TTLL9: variants seen among roughly 807,000 people sequenced by gnomAD.
TTLL9 encodes tubulin tyrosine ligase like 9, also known as probable tubulin polyglutamylase TTLL9.
Under a neutral mutation model 65.6 loss-of-function variants are expected in TTLL9, and 47 were observed. The observed-to-expected ratio is 0.72, with a 90% CI of 0.57 to 0.91. The LOEUF (loss-of-function observed/expected upper bound fraction) is 0.91. Ranked by LOEUF, TTLL9 falls within the 40% of genes least tolerant of loss-of-function variation. The pLI, the probability that TTLL9 is intolerant of heterozygous loss-of-function variation, is 0.00. For missense variants in TTLL9, 537 were observed against 568.8 expected (o/e 0.94, Z 0.57); for synonymous variants, 179 against 204.8 (o/e 0.87, Z 1.07).
At chr20:31,885,879 C>T (rs149886517) in intron 2 of TTLL9, among the ~76,000 whole-genome samples, 1 of 152,334 alleles carries the variant, frequency 6.6e-6, no homozygotes, top group East Asian at 1.9e-4. Flanking sequence ...GTCAGAGGGA[C>T]GTGCTCCATG....
At position 31,944,783 on chromosome 20, in the gene TTLL9, A is replaced by T. The variant is rs2064293849; in HGVS notation, c.*1762A>T. 6.6e-6 allele frequency: 1 copy of T among 152,246 alleles called. No individual in the cohort carries two copies. The highest frequency in any genetic ancestry group is 1.5e-5 in the Non-Finnish European group (1 of 68,052). The allele number at this position is 152,246 out of a possible 1,614,324, so 9.4% of individuals were successfully genotyped here. A position where few individuals can be genotyped will look rare whatever the true frequency, so the allele number is the denominator to read the frequency against. On this transcript the variant is annotated 3_prime_UTR_variant, in exon 15 of 15. Transcript: ENST00000535842. ...TTCTATGTAACTATGAGCCAGAGCC[A>T]AGGAGCGGGGGGACCAGGAGAGGTG...
intron 3 of TTLL9, among the ~76,000 whole-genome samples, chr20:31,896,518 TTG>T (rs2063391259): frequency 6.6e-6 from 1 of 152,044 alleles, no homozygotes; most frequent in African/African-American, 2.4e-5. Context: ...ACTGATTACA[TTG>T]TTTTTTTTGT....
chr20:31,934,181 TC>T (rs2064067118), intron 11 of TTLL9: 18 of 497,992 alleles, frequency 3.6e-5, no homozygotes, highest in South Asian at 3.4e-4. Context: ...ATATATTTTA[TC>T]TCTCTGTCTA....
At chr20:31,891,732 C>A (rs1054335453) in intron 3 of TTLL9, among the ~76,000 whole-genome samples, 17 of 152,192 alleles carry the variant, frequency 1.1e-4, no homozygotes, top group African/African-American at 4.1e-4. Flanking sequence ...AATTGTGAAC[C>A]CAATTGACTT....
intron 2 of TTLL9, among the ~76,000 whole-genome samples, chr20:31,873,688 A>AG (rs1568721907): frequency 1.5e-3 from 42 of 28,378 alleles, no homozygotes; most frequent in African/African-American, 5.9e-3. Context: ...GAGAGAGAGA[A>AG]AGAAAGAAAG....
intron 3 of TTLL9, among the ~76,000 whole-genome samples, chr20:31,893,497 G>C (rs2123446896): frequency 6.6e-6 from 1 of 151,984 alleles, no homozygotes; most frequent in African/African-American, 2.4e-5. Flanking sequence ...CTCCATGTTG[G>C]TTAGGCTGGT....
intron 4 of TTLL9, among the ~76,000 whole-genome samples, chr20:31,902,904 C>T (rs898720315): frequency 6.6e-5 from 10 of 152,110 alleles, no homozygotes; most frequent in African/African-American, 2.2e-4. Flanking sequence ...CTCTCTGTCA[C>T]CTAGGCTGGA....
intron 3 of TTLL9, among the ~76,000 whole-genome samples, chr20:31,887,515 C>CT (rs1391330971): frequency 6.6e-6 from 1 of 152,216 alleles, no homozygotes; most frequent in Non-Finnish European, 1.5e-5. Flanking sequence ...CTCAAAAAGG[C>CT]TAAGTGACTT....
At chr20:31,875,591 T>C (rs2063027363) in intron 2 of TTLL9, among the ~76,000 whole-genome samples, 1 of 152,188 alleles carries the variant, frequency 6.6e-6, no homozygotes, top group African/African-American at 2.4e-5. Flanking sequence ...AAGCTAACTC[T>C]CATTTCCTCC....
At chr20:31,924,975 T>A in intron 8 of TTLL9, 34 bp from the exon 9 acceptor site, 1 of 1,613,298 alleles carries the variant, frequency 6.2e-7, no homozygotes, top group Non-Finnish European at 8.5e-7. Flanking sequence ...GATCAATATT[T>A]GTTGCACAAA....
chr20:31,902,438 T>C (rs754019716), intron 4 of TTLL9, among the ~76,000 whole-genome samples: 22 of 152,216 alleles, frequency 1.4e-4, no homozygotes, highest in Non-Finnish European at 2.9e-4. Context: ...TGGAGTCCAG[T>C]GGCTCGATCT....
At chr20:31,885,886 CAT>C (rs1191811342) in intron 2 of TTLL9, among the ~76,000 whole-genome samples, 1 of 152,242 alleles carries the variant, frequency 6.6e-6, no homozygotes, top group East Asian at 1.9e-4. Context: ...GGACGTGCTC[CAT>C]GTGGCCTGGA....
At chr20:31,908,534 T>C in intron 4 of TTLL9, 57 bp from the exon 5 acceptor site, 1 of 1,282,220 alleles carries the variant, frequency 7.8e-7, no homozygotes, top group East Asian at 2.3e-5. Context: ...CCCTGGGCCC[T>C]GCAGTGCCAA....
intron 10 of TTLL9, among the ~76,000 whole-genome samples, chr20:31,932,044 A>G (rs1338154385): frequency 6.6e-6 from 1 of 152,214 alleles, no homozygotes; most frequent in African/African-American, 2.4e-5. Flanking sequence ...GGTCCATTCA[A>G]AATTAATTTT....
chr20:31,925,746 G>A (rs373047079), intron 9 of TTLL9: 4 of 775,714 alleles, frequency 5.2e-6, no homozygotes, highest in Middle Eastern at 2.3e-4. Context: ...GTGCCTGAAG[G>A]ATGATTTGGG....
intron 3 of TTLL9, among the ~76,000 whole-genome samples, chr20:31,895,895 A>G (rs938974122): frequency 6.6e-6 from 1 of 151,778 alleles, no homozygotes; most frequent in African/African-American, 2.4e-5. Context: ...GCTGGAGTGC[A>G]GTGGCACAGT....
intron 4 of TTLL9, among the ~76,000 whole-genome samples, chr20:31,903,111 C>T (rs1231825000): frequency 6.6e-6 from 1 of 151,876 alleles, no homozygotes; most frequent in Non-Finnish European, 1.5e-5. Context: ...CTTGAGTGAT[C>T]CTCCTGCCTC....
intron 2 of TTLL9, among the ~76,000 whole-genome samples, chr20:31,873,832 GA>G (rs200723467): frequency 1.3e-5 from 1 of 75,654 alleles, no homozygotes; most frequent in Non-Finnish European, 3.1e-5. Context: ...AAGAAAGAAA[GA>G]AAGAAAGAAA....
intron 12 of TTLL9, among the ~76,000 whole-genome samples, chr20:31,937,099 C>CAAAA (rs59705348): frequency 2.1e-5 from 2 of 93,512 alleles, no homozygotes; most frequent in African/African-American, 3.8e-5. Flanking sequence ...ACTCCCTCTC[C>CAAAA]AAAAAAAAAA....
Sources: allele counts gnomAD v4.1 joint callset (sites outside exome capture counted in the v4.1 genomes callset), GRCh38; gene constraint gnomAD v4.1.1; transcripts MANE v1.5; gene names NCBI Gene and HGNC (gene_info 2026-07-23, HGNC 2026-07-21).